Variants in GALNTL6 observed in about 807,000 individuals in gnomAD.
GALNTL6 encodes polypeptide N-acetylgalactosaminyltransferase-like 6.
GALNTL6 carries 46 observed loss-of-function variants against 73.7 expected under a neutral mutation model. The observed-to-expected ratio is 0.62, with a 90% CI of 0.49 to 0.80. GALNTL6 has a LOEUF of 0.80. GALNTL6 is among the 30% of genes least tolerant of loss of function. GALNTL6 has a pLI of 0.00. For synonymous variants in GALNTL6, 259 were observed against 263.7 expected, an observed-to-expected ratio of 0.98 and a Z score of 0.17; for missense variants, 604 against 755.0, an observed-to-expected ratio of 0.80 and a Z score of 2.34.
At chr4:171,992,705 T>C (rs1223880706) in intron 2 of GALNTL6, among the ~76,000 whole-genome samples, 1 of 152,086 alleles carries the variant, frequency 6.6e-6, no homozygotes, top group Non-Finnish European at 1.5e-5. Flanking sequence ...AGTATATCTC[T>C]TATTCTAGAG....
chr4:172,621,984 A>C (rs147793241), intron 5 of GALNTL6, among the ~76,000 whole-genome samples: 45 of 151,950 alleles, frequency 3.0e-4, no homozygotes, highest in Non-Finnish European at 2.9e-5. Context: ...CCAGGGTCCC[A>C]CTCCTCCATA....
At chr4:171,881,168 C>A (rs1344420488) in intron 2 of GALNTL6, among the ~76,000 whole-genome samples, 2 of 152,184 alleles carry the variant, frequency 1.3e-5, no homozygotes, top group Non-Finnish European at 2.9e-5. Context: ...AATAAACCTG[C>A]CCATCAGAAG....
chr4:171,888,663 A>T (rs556329785), intron 2 of GALNTL6, among the ~76,000 whole-genome samples: 4 of 152,236 alleles, frequency 2.6e-5, no homozygotes, highest in Admixed American at 2.0e-4. Context: ...AACTTGACAG[A>T]GAAAAAAGAA....
intron 10 of GALNTL6, among the ~76,000 whole-genome samples, chr4:172,968,772 T>A (rs1750443622): frequency 6.6e-6 from 1 of 152,148 alleles, no homozygotes; most frequent in African/African-American, 2.4e-5. Flanking sequence ...AGTGCCCCTA[T>A]AAAAAGGCCA....
chr4:171,984,980 T>C (rs1579031959), intron 2 of GALNTL6, among the ~76,000 whole-genome samples: 1 of 144,338 alleles, frequency 6.9e-6, no homozygotes, highest in Non-Finnish European at 1.5e-5. Flanking sequence ...AATACAAAAA[T>C]AAAATCAGCA....
intron 4 of GALNTL6, among the ~76,000 whole-genome samples, chr4:172,342,025 G>A (rs1205176852): frequency 3.9e-5 from 6 of 152,016 alleles, no homozygotes; most frequent in African/African-American, 1.4e-4. Flanking sequence ...GTGCATAGTG[G>A]ACACTATTTC....
chr4:171,858,692 G>A (rs1403920552), intron 2 of GALNTL6, among the ~76,000 whole-genome samples: 1 of 151,990 alleles, frequency 6.6e-6, no homozygotes, highest in South Asian at 2.1e-4. Flanking sequence ...AAATACAAAT[G>A]TATCTTCTTT....
intron 3 of GALNTL6, among the ~76,000 whole-genome samples, chr4:172,239,226 A>G (rs975780558): frequency 2.6e-5 from 4 of 152,136 alleles, no homozygotes; most frequent in Non-Finnish European, 5.9e-5. Flanking sequence ...CCATCTGGAC[A>G]TGGACTTTTC....
chr4:172,913,239 C>T (rs533156936), intron 8 of GALNTL6, among the ~76,000 whole-genome samples: 1 of 152,258 alleles, frequency 6.6e-6, no homozygotes, highest in African/African-American at 2.4e-5. Context: ...CTGTAGGTCA[C>T]CATCATCAAA....
intron 5 of GALNTL6, among the ~76,000 whole-genome samples, chr4:172,599,699 C>G (rs550715687): frequency 6.6e-6 from 1 of 152,194 alleles, no homozygotes; most frequent in South Asian, 2.1e-4. Context: ...CTCAGAAGTG[C>G]TGGTGTGCTA....
At chr4:172,061,878 C>A (rs947883073) in intron 2 of GALNTL6, among the ~76,000 whole-genome samples, 4 of 151,444 alleles carry the variant, frequency 2.6e-5, no homozygotes, top group African/African-American at 7.3e-5. Flanking sequence ...CAACATTGCA[C>A]TGTAAATGCT....
intron 5 of GALNTL6, among the ~76,000 whole-genome samples, chr4:172,515,255 C>T (rs1046247659): frequency 6.6e-6 from 1 of 152,176 alleles, no homozygotes; most frequent in South Asian, 2.1e-4. Context: ...AAAAATGGTT[C>T]ATGTAGGGAT....
intron 7 of GALNTL6, among the ~76,000 whole-genome samples, chr4:172,823,541 A>G (rs1487886417): frequency 6.6e-6 from 1 of 152,218 alleles, no homozygotes. Context: ...GTATATTTGA[A>G]AAAGGGATGA....
chr4:172,234,157 G>T (rs1282694952), intron 3 of GALNTL6, among the ~76,000 whole-genome samples: 1 of 151,808 alleles, frequency 6.6e-6, no homozygotes, highest in Admixed American at 6.6e-5. Context: ...GTTTATTTTG[G>T]ATTTTAAAAA....
At chr4:172,549,613 AT>A (rs1039298919) in intron 5 of GALNTL6, among the ~76,000 whole-genome samples, 2 of 152,144 alleles carry the variant, frequency 1.3e-5, no homozygotes, top group African/African-American at 4.8e-5. Context: ...AAAAAAAAAA[AT>A]AACAAAATGT....
At chr4:172,479,538 A>G (rs986396716) in intron 5 of GALNTL6, among the ~76,000 whole-genome samples, 1 of 152,194 alleles carries the variant, frequency 6.6e-6, no homozygotes, top group African/African-American at 2.4e-5. Context: ...TGTAATGGAC[A>G]TTGCAGACTC....
At chr4:172,494,294 A>T (rs1733995801) in intron 5 of GALNTL6, among the ~76,000 whole-genome samples, 1 of 152,120 alleles carries the variant, frequency 6.6e-6, no homozygotes, top group Non-Finnish European at 1.5e-5. Flanking sequence ...ACGACTGGGG[A>T]TTAAATAAGT....
At chr4:173,036,057 A>G (rs1276209223) in intron 12 of GALNTL6, among the ~76,000 whole-genome samples, 1 of 152,196 alleles carries the variant, frequency 6.6e-6, no homozygotes, top group Non-Finnish European at 1.5e-5. Flanking sequence ...ACTGTCATTT[A>G]CATGTTACAG....
intron 2 of GALNTL6, among the ~76,000 whole-genome samples, chr4:171,873,917 T>G (rs1736203650): frequency 6.6e-6 from 1 of 152,144 alleles, no homozygotes; most frequent in African/African-American, 2.4e-5. Flanking sequence ...GTCAAAAATC[T>G]TTCAATTTGA....
Sources: gnomAD v4.1 joint callset for allele counts (sites outside exome capture counted in the v4.1 genomes callset) on GRCh38, gnomAD v4.1.1 for gene constraint, MANE v1.5 for transcripts, NCBI Gene and HGNC (gene_info 2026-07-23, HGNC 2026-07-21) for gene names.